The following RBM47 variants were observed in gnomAD, a reference collection of about 807,000 sequenced individuals.
RBM47 encodes RNA binding motif protein 47.
In RBM47, 21 loss-of-function variants were observed where a neutral mutation model predicts 47.1. The observed-to-expected ratio is 0.45, with a 90% confidence interval of 0.32 to 0.64. RBM47 has a LOEUF of 0.64. Ranked by LOEUF, RBM47 falls within the 30% of genes least tolerant of loss-of-function variation. The pLI, the probability that RBM47 is intolerant of heterozygous loss-of-function variation, is 0.05. For synonymous variants in RBM47, 375 were observed against 361.7 expected (o/e 1.04, Z -0.42); for missense variants, 708 against 870.9 (o/e 0.81, Z 2.35).
At chr4:40,608,925 C>T (rs541774157) in intron 1 of RBM47, among the ~76,000 whole-genome samples, 5 of 152,252 alleles carry the variant, frequency 3.3e-5, no homozygotes, top group Admixed American at 1.3e-4. Flanking sequence ...TTTGGAAAAA[C>T]GAGATGACAC....
Position 40,438,089 on chromosome 4 carries a change from A to G in RBM47, c.805T>C (p.Phe269Leu). The change falls in exon 4 of 7, where the codon TTC becomes CTC. Residue 269 changes from phenylalanine to leucine, a missense_variant. By Grantham distance (22) the Phe-to-Leu change is conservative (BLOSUM62 0). Coordinates refer to ENST00000295971, the MANE Select transcript of RBM47 (RefSeq NM_001098634.2). ...ACGCGCTCCACGCAGCCGGGGTTGA[A>G]CTGGCCGAAGCTCTTCTTGATGGTG... is the stretch of plus-strand genomic sequence containing the variant. ...EDTIKKSFGQ[F>L]NPGCVERVKK... 6.2e-7 allele frequency: 1 copy of G among 1,612,964 alleles called. No homozygotes were observed. Among genetic ancestry groups the G allele is most frequent in the Non-Finnish European group, 8.5e-7 (1 of 1,179,844 alleles).
intron 2 of RBM47, among the ~76,000 whole-genome samples, chr4:40,497,397 C>T (rs1458970101): frequency 2.6e-5 from 4 of 152,020 alleles, no homozygotes; most frequent in Non-Finnish European, 5.9e-5. Flanking sequence ...GGTGGAGGGT[C>T]GCTTGAGCCC....
intron 2 of RBM47, among the ~76,000 whole-genome samples, chr4:40,493,491 T>G (rs1398602098): frequency 1.3e-5 from 2 of 151,982 alleles, no homozygotes; most frequent in South Asian, 2.1e-4. Context: ...AAAATAAAAT[T>G]TATATGTTTT....
At position 40,528,949 on chromosome 4, in the gene RBM47, A is replaced by T. The variant is rs889548603; in HGVS notation, c.-155+15473T>A. Among the ~76,000 whole-genome samples, 813 of 88,648 alleles carry T rather than the reference A, an allele frequency of 9.2e-3. 5 individuals carry two copies. Among genetic ancestry groups the T allele is most frequent in the Middle Eastern group, 0.02 (3 of 150 alleles). The allele number at this position is 88,648 out of a possible 152,430, so 58.2% of individuals were successfully genotyped here. ...CAGAGCGAGACTCCGTCTCAAAAAA[A>T]AAATAAATAAATAAATAAATAAATA... On this transcript the variant is annotated intron_variant, in intron 2 of 6. Transcript: ENST00000295971.
intron 1 of RBM47, among the ~76,000 whole-genome samples, chr4:40,571,840 G>C (rs1352543095): frequency 2.0e-5 from 3 of 151,332 alleles, no homozygotes; most frequent in Non-Finnish European, 4.4e-5. Flanking sequence ...CCAATATGGT[G>C]AAACCCCATC....
intron 4 of RBM47, among the ~76,000 whole-genome samples, chr4:40,437,176 C>CATAT (rs1218027908): frequency 4.5e-4 from 53 of 117,672 alleles, no homozygotes; most frequent in African/African-American, 1.8e-3. Flanking sequence ...ATATATAATA[C>CATAT]ATATATATAT....
chr4:40,577,633 G>C (rs1335354102), intron 1 of RBM47, among the ~76,000 whole-genome samples: 1 of 120,970 alleles, frequency 8.3e-6, no homozygotes, highest in Non-Finnish European at 1.7e-5. Context: ...CTCCCTTATG[G>C]TATCTCATAC....
At chr4:40,546,528 C>A (rs969493480) in intron 1 of RBM47, among the ~76,000 whole-genome samples, 1 of 152,136 alleles carries the variant, frequency 6.6e-6, no homozygotes, top group African/African-American at 2.4e-5. Flanking sequence ...CTCATTCCTG[C>A]GATCCCCTCC....
At chr4:40,485,085 C>T (rs1185930361) in intron 2 of RBM47, among the ~76,000 whole-genome samples, 1 of 152,082 alleles carries the variant, frequency 6.6e-6, no homozygotes. Context: ...GTTTGCATGA[C>T]AAGCTGATCA....
At chr4:40,453,072 C>A (rs1343542997) in intron 3 of RBM47, among the ~76,000 whole-genome samples, 2 of 152,210 alleles carry the variant, frequency 1.3e-5, no homozygotes, top group African/African-American at 4.8e-5. Flanking sequence ...AGCTCCTGAC[C>A]TTGTGATCTG....
At chr4:40,463,501 C>T (rs1352992952) in intron 3 of RBM47, among the ~76,000 whole-genome samples, 1 of 152,024 alleles carries the variant, frequency 6.6e-6, no homozygotes, top group Non-Finnish European at 1.5e-5. Flanking sequence ...ACAGAAGTAC[C>T]ACATGAGCCA....
At chr4:40,547,120 G>C (rs1231517283) in intron 1 of RBM47, among the ~76,000 whole-genome samples, 1 of 152,122 alleles carries the variant, frequency 6.6e-6, no homozygotes, top group African/African-American at 2.4e-5. Flanking sequence ...CCCTTTTAGT[G>C]ACATGTTATA....
chr4:40,432,608 A>G (rs41265677), intron 6 of RBM47, 43 bp downstream of exon 6: 3 of 1,607,790 alleles, frequency 1.9e-6, no homozygotes, highest in Non-Finnish European at 2.5e-6. Context: ...TGTTAAAGAG[A>G]GGCTTCACAC....
In RBM47 at chr4:40,594,008, C is replaced by T. The variant is rs191368817; in HGVS notation, c.-240+35388G>A. Among the ~76,000 whole-genome samples, 441 of 151,962 alleles carry T rather than the reference C, an allele frequency of 2.9e-3. 1 individual carries two copies. The highest frequency in any genetic ancestry group is 4.5e-3 in the Non-Finnish European group (305 of 67,966). On this transcript the variant is annotated intron_variant, in intron 1 of 6. Coordinates refer to ENST00000295971, the MANE Select transcript of RBM47 (RefSeq NM_001098634.2). ...CAGAGGTTGCAGTGAGCTGAGATTGCGCCATTGCACTCCAGCCTGGGAAAC... is the reference window on the plus strand; with the variant it reads ...CAGAGGTTGCAGTGAGCTGAGATTGTGCCATTGCACTCCAGCCTGGGAAAC...
Position 40,437,920 on chromosome 4 carries a change from G to C in RBM47, c.974C>G (p.Ser325Trp), listed in dbSNP as rs1712938202. 3 of 1,613,718 alleles carry C rather than the reference G, an allele frequency of 1.9e-6. No individual in the cohort carries two copies. Among genetic ancestry groups the C allele is most frequent in the African/African-American group, 2.7e-5 (2 of 74,942 alleles). Residue 325 changes from serine (S) to tryptophan (W), a missense_variant, in exon 4 of 7, where the codon TCG (serine) becomes TGG (tryptophan). By Grantham distance (177) the Ser-to-Trp change is radical. Transcript: ENST00000295971. ...GCCCCTGGCTGCCTTCTGGTAGCGCGAGTACTGCTCCTTGTCCACGGGCTT... is the reference window on the plus strand; with the variant it reads ...GCCCCTGGCTGCCTTCTGGTAGCGCCAGTACTGCTCCTTGTCCACGGGCTT... ...LAKPVDKEQYSRYQKAARGGG... is the reference protein window; with the variant it reads ...LAKPVDKEQYWRYQKAARGGG...
rs1359189548 is a variant in RBM47, at chr4:40,629,786, G to T, written c.-630C>A. ...GCTCAGCTCCCGAGGCCGGGAGCGC[G>T]CGGCGGTTCCACCCGCAGAGCGGCG... On this transcript the variant is annotated 5_prime_UTR_variant, in exon 1 of 7. Coordinates refer to ENST00000295971, the MANE Select transcript of RBM47 (RefSeq NM_001098634.2). 6.6e-6 allele frequency: 1 copy of T among 152,318 alleles called. No individual in the cohort carries two copies. Among genetic ancestry groups the T allele is most frequent in the East Asian group, 1.9e-4 (1 of 5,172 alleles). The allele number at this position is 152,318 out of a possible 1,614,324, so 9.4% of individuals were successfully genotyped here.
chr4:40,630,799 G>A (rs927111914), upstream of RBM47: 1 of 152,108 alleles, frequency 6.6e-6, no homozygotes, highest in East Asian at 1.9e-4. Context: ...AAGAGTTAAG[G>A]AGCCTCCCGC....
At chr4:40,610,391 G>C (rs1231968092) in intron 1 of RBM47, among the ~76,000 whole-genome samples, 1 of 151,974 alleles carries the variant, frequency 6.6e-6, no homozygotes, top group Non-Finnish European at 1.5e-5. Flanking sequence ...GGGAGGCCGA[G>C]GCAGGCAGAT....
intron 3 of RBM47, among the ~76,000 whole-genome samples, chr4:40,444,803 T>TA (rs1256186354): frequency 6.6e-6 from 1 of 151,872 alleles, no homozygotes; most frequent in Non-Finnish European, 1.5e-5. Flanking sequence ...TAGCTGGTAT[T>TA]ACAGGTGCGT....
Sources: gnomAD v4.1 joint callset for allele counts (sites outside exome capture counted in the v4.1 genomes callset) on GRCh38, gnomAD v4.1.1 for gene constraint, MANE v1.5 for transcripts, NCBI Gene and HGNC (gene_info 2026-07-23, HGNC 2026-07-21) for gene names.